USP37: variants seen among roughly 807,000 people sequenced by gnomAD.
The protein encoded by USP37 is ubiquitin specific peptidase 37.
Under a neutral mutation model 124.0 loss-of-function variants are expected in USP37, and 27 were observed. That is an observed-to-expected ratio of 0.22 (90% confidence interval 0.16 to 0.30). The LOEUF is 0.30. USP37 is among the 10% of genes least tolerant of loss of function. The pLI, the probability that USP37 is intolerant of heterozygous loss-of-function variation, is 1.00. For synonymous variants in USP37, 365 were observed against 388.0 expected (o/e 0.94, Z 0.70); for missense variants, 889 against 1,140.4 (o/e 0.78, Z 3.17).
At chr2:218,479,933 G>A (rs766702512) in intron 17 of USP37, among the ~76,000 whole-genome samples, 2 of 152,104 alleles carry the variant, frequency 1.3e-5, no homozygotes, top group Non-Finnish European at 2.9e-5. Context: ...ATCACCTGAG[G>A]TCAGGAGTTC....
chr2:218,466,794 G>C (rs1690350673), intron 20 of USP37, among the ~76,000 whole-genome samples: 1 of 151,976 alleles, frequency 6.6e-6, no homozygotes. Flanking sequence ...GAGTCCAGTG[G>C]CACTATCTCG....
Position 218,549,743 on chromosome 2 carries a change from C to T in USP37, c.429+66G>A, listed in dbSNP as rs1046133531. The T allele has an allele frequency of 9.5e-6, 14 of 1,479,074 alleles. No individual in the cohort carries two copies. The African/African-American group carries it at 1.1e-4, about 12-fold the overall frequency. 91.6% of individuals were successfully genotyped at this position (1,479,074 alleles called of 1,614,324 possible). On this transcript the variant is annotated intron_variant, in intron 6 of 25. Coordinates refer to ENST00000258399, the MANE Select transcript of USP37 (RefSeq NM_020935.3). ...GCCTCCCAAGTGCTGGGATTACAGG[C>T]GTGAGCCACTGTGCCTGGCCAACTA...
At chr2:218,462,649 CA>C (rs1444231230) in intron 22 of USP37, among the ~76,000 whole-genome samples, 1 of 152,016 alleles carries the variant, frequency 6.6e-6, no homozygotes. Flanking sequence ...GTAACAGTGG[CA>C]AAATTATAAT....
At chr2:218,553,822 A>G (rs1692797134) in intron 4 of USP37, 98 bp from the exon 5 acceptor site, 3 of 1,182,524 alleles carry the variant, frequency 2.5e-6, no homozygotes, top group Non-Finnish European at 3.4e-6. Context: ...TCCATGTTAC[A>G]TTTATCACTC....
intron 10 of USP37, among the ~76,000 whole-genome samples, chr2:218,515,944 T>C (rs926954011): frequency 3.4e-5 from 3 of 87,608 alleles, no homozygotes; most frequent in Non-Finnish European, 4.5e-5. Flanking sequence ...AAAAAGCTCG[T>C]CATCACTGGT....
intron 1 of USP37, among the ~76,000 whole-genome samples, chr2:218,567,405 A>C (rs1470925960): frequency 6.6e-6 from 1 of 152,162 alleles, no homozygotes; most frequent in African/African-American, 2.4e-5. Context: ...CCATGGCTTC[A>C]ATTACTATCA....
At chr2:218,521,963 C>T (rs951785868) in intron 10 of USP37, among the ~76,000 whole-genome samples, 1 of 152,032 alleles carries the variant, frequency 6.6e-6, no homozygotes, top group Non-Finnish European at 1.5e-5. Context: ...CAGCCTCGAC[C>T]TCCTGGGCTC....
At position 218,451,864 on chromosome 2, in the gene USP37, C is replaced by G. The variant is rs79871636; in HGVS notation, c.*3066G>C. On this transcript the variant is annotated 3_prime_UTR_variant, in exon 26 of 26. Transcript: ENST00000258399. ...TAGGCCCAGAATGAACAGACCATAGCAAGTAAACAAATAATTTTTAGAATC... is the reference window on the plus strand; with the variant it reads ...TAGGCCCAGAATGAACAGACCATAGGAAGTAAACAAATAATTTTTAGAATC... 134 of 152,690 alleles carry G rather than the reference C, an allele frequency of 8.8e-4. 4 individuals are homozygous for G. In the East Asian group the frequency reaches 0.024, roughly 27 times the overall value. 9.5% of individuals were successfully genotyped at this position (152,690 alleles called of 1,614,324 possible). A position where few individuals can be genotyped will look rare whatever the true frequency, so the allele number is the denominator to read the frequency against.
rs55656029 is a variant in USP37 at position 218,467,315 on chromosome 2, ATATCTATCTATC to A, written c.2300-1151_2300-1140del. On this transcript the variant is annotated intron_variant, in intron 20 of 25. Transcript: ENST00000258399. Reference sequence around the variant, plus strand: ...GCCCGCCACCATGCCCAGCTAATCTATATCTATCTATCTATCTATCTATCTATCTATCTATCT... The same window carrying A: ...GCCCGCCACCATGCCCAGCTAATCTATATCTATCTATCTATCTATCTATCT... 2.5e-3 allele frequency among the ~76,000 whole-genome samples: 350 copies of A among 141,722 alleles called. 1 individual carries two copies. The highest frequency in any genetic ancestry group is 3.7e-3 in the Non-Finnish European group (247 of 66,436). The allele number at this position is 141,722 out of a possible 152,430, so 93.0% of individuals were successfully genotyped here.
At chr2:218,506,381 C>T (rs1352540048) in intron 11 of USP37, among the ~76,000 whole-genome samples, 2 of 145,122 alleles carry the variant, frequency 1.4e-5, no homozygotes, top group African/African-American at 5.2e-5. Context: ...ACCTCCGCCT[C>T]CTGGGTTCAA....
intron 1 of USP37, among the ~76,000 whole-genome samples, chr2:218,564,829 T>C (rs1693499357): frequency 6.6e-6 from 1 of 152,222 alleles, no homozygotes; most frequent in South Asian, 2.1e-4. Flanking sequence ...ATCCAAATGC[T>C]TGTGTTTGGT....
chr2:218,537,549 CCCAGGTGACCA>C (rs1691723127), intron 8 of USP37, among the ~76,000 whole-genome samples: 1 of 152,170 alleles, frequency 6.6e-6, no homozygotes, highest in Non-Finnish European at 1.5e-5. Flanking sequence ...AACAGAACCA[CCCAGGTGACCA>C]TAAATTCATA....
At chr2:218,560,174 A>G (rs991696536) in intron 3 of USP37, among the ~76,000 whole-genome samples, 18 of 152,222 alleles carry the variant, frequency 1.2e-4, no homozygotes, top group African/African-American at 4.3e-4. Context: ...CTCAAATTTT[A>G]TACTATTTCA....
chr2:218,501,672 T>C (rs970075823), intron 11 of USP37, among the ~76,000 whole-genome samples: 1 of 152,200 alleles, frequency 6.6e-6, no homozygotes, highest in African/African-American at 2.4e-5. Flanking sequence ...AAACAGAGCC[T>C]AGAAATCTTA....
At chr2:218,541,182 G>T (rs535806978) in intron 8 of USP37, among the ~76,000 whole-genome samples, 2 of 152,246 alleles carry the variant, frequency 1.3e-5, no homozygotes, top group Middle Eastern at 3.4e-3. Context: ...TAGATTTTGT[G>T]GGTCCTAGTT....
chr2:218,498,097 G>C lies in USP37; in HGVS notation c.1086C>G (p.Leu362=), dbSNP rs994908783. Residue 362 remains leucine, a synonymous_variant, in exon 12 of 26, where the codon CTC becomes CTG. Coordinates refer to ENST00000258399, the MANE Select transcript of USP37 (RefSeq NM_020935.3). ...MNAILQSLFS[L]QSFANDLLKQ... ...TAAGCAAGTCATTTGCAAATGACTG[G>C]AGTGAAAATAGAGATTGTAGAATAG... 3.1e-6 allele frequency: 5 copies of C among 1,608,632 alleles called. No individual in the cohort carries two copies. In the East Asian group the frequency reaches 8.9e-5, roughly 29 times the overall value.
rs375719353 is a variant in USP37, at chr2:218,457,106, C to T, written c.2699G>A (p.Ser900Asn). ...RLISVVSHIG[S>N]TSSSGHYISD... ...TGGCTATTCACCTGAAGAAGAAGTG[C>T]TACCAATGTGACTGACAACACTGAT... is the stretch of plus-strand genomic sequence containing the variant. Residue 900 changes from serine to asparagine, a missense_variant, in exon 24 of 26, where the codon AGC (serine) becomes AAC (asparagine). Physicochemically the swap from Ser to Asn is conservative, Grantham distance 46 (BLOSUM62 1). This residue lies in a region of USP37 where 504 missense variants were observed against 714.3 expected (regional missense o/e 0.71). Coordinates refer to ENST00000258399, the MANE Select transcript of USP37 (RefSeq NM_020935.3). The T allele has an allele frequency of 5.6e-5, 91 of 1,613,852 alleles. No individual in the cohort carries two copies. Among genetic ancestry groups the T allele is most frequent in the Non-Finnish European group, 7.0e-5 (83 of 1,179,912 alleles).
intron 16 of USP37, among the ~76,000 whole-genome samples, chr2:218,484,623 AAACAACAAC>A (rs71064453): frequency 3.2e-4 from 6 of 18,606 alleles, no homozygotes; most frequent in Admixed American, 4.8e-4. Context: ...CTCTGTATCA[AAACAACAAC>A]AACAACAACA....
intron 4 of USP37, among the ~76,000 whole-genome samples, chr2:218,554,696 G>C (rs1041484952): frequency 6.6e-6 from 1 of 150,624 alleles, no homozygotes; most frequent in African/African-American, 2.4e-5. Flanking sequence ...GCAGTGAGTT[G>C]AGAGTGTGCC....
Sources: gnomAD v4.1 joint callset for allele counts (sites outside exome capture counted in the v4.1 genomes callset) on GRCh38, gnomAD v4.1.1 for gene constraint, gnomAD v4.1.1 regional missense constraint, MANE v1.5 for transcripts, NCBI Gene and HGNC (gene_info 2026-07-23, HGNC 2026-07-21) for gene names.